KCNMA1: variants seen among roughly 807,000 people sequenced by gnomAD.
KCNMA1 encodes Calcium-activated potassium channel subunit alpha-1.
KCNMA1 carries 29 observed loss-of-function variants against 140.0 expected under a neutral mutation model. The ratio of observed to expected loss-of-function variants is 0.21; its 90% CI spans 0.15 to 0.28. The LOEUF is 0.28. Ranked by LOEUF, KCNMA1 falls within the 10% of genes least tolerant of loss-of-function variation. The pLI, the probability that KCNMA1 is intolerant of heterozygous loss-of-function variation, is 1.00. For synonymous variants in KCNMA1, 612 were observed against 611.9 expected, an observed-to-expected ratio of 1.00 and a Z score of 0.00; for missense variants, 880 against 1,602.2, an observed-to-expected ratio of 0.55 and a Z score of 7.70.
At chr10:77,340,110 A>C (rs924880447) in intron 2 of KCNMA1, among the ~76,000 whole-genome samples, 1 of 152,152 alleles carries the variant, frequency 6.6e-6, no homozygotes, top group African/African-American at 2.4e-5. Flanking sequence ...CACATGAAAA[A>C]ATGCTCATCA....
At chr10:77,468,788 T>C (rs1376512328) in intron 1 of KCNMA1, among the ~76,000 whole-genome samples, 3 of 152,182 alleles carry the variant, frequency 2.0e-5, no homozygotes, top group East Asian at 1.9e-4. Context: ...ATCAAGAAAA[T>C]AGAAATGATA....
At chr10:77,612,215 G>A (rs2087206044) in intron 1 of KCNMA1, among the ~76,000 whole-genome samples, 1 of 152,194 alleles carries the variant, frequency 6.6e-6, no homozygotes, top group African/African-American at 2.4e-5. Flanking sequence ...CATGGCCAAA[G>A]ACCCAGGCAC....
At position 76,945,051 on chromosome 10, in the gene KCNMA1, G is replaced by A. The variant is rs559662210; in HGVS notation, c.2710-86C>T. 3.3e-5 allele frequency: 37 copies of A among 1,109,616 alleles called. No homozygotes were observed. The East Asian group carries it at 4.3e-4, about 13-fold the overall frequency. The allele number at this position is 1,109,616 out of a possible 1,614,324, so 68.7% of individuals were successfully genotyped here. A position where few individuals can be genotyped will look rare whatever the true frequency, so the allele number is the denominator to read the frequency against. On this transcript the variant is annotated intron_variant, in intron 22 of 27. Transcript: ENST00000286628. ...AGAGAGGAGCAAAAGTGAGAGGAGA[G>A]GGAAAGAGGAAAACAAATTAAAGAT...
intron 2 of KCNMA1, among the ~76,000 whole-genome samples, chr10:77,381,976 C>T (rs1250242887): frequency 6.6e-6 from 1 of 152,192 alleles, no homozygotes; most frequent in Non-Finnish European, 1.5e-5. Flanking sequence ...ACCCAACAAA[C>T]TGTTTCTTCT....
At chr10:76,884,851 T>C, downstream of KCNMA1, 1 of 1,294,600 alleles carries the variant, frequency 7.7e-7, no homozygotes, top group East Asian at 2.8e-5. Context: ...ACAATATAAA[T>C]AAAAATAAAC....
intron 1 of KCNMA1, among the ~76,000 whole-genome samples, chr10:77,566,844 G>A (rs1237997163): frequency 6.6e-6 from 1 of 151,280 alleles, no homozygotes; most frequent in East Asian, 1.9e-4. Context: ...GAGACAATAA[G>A]GGAAGTAAAA....
intron 25 of KCNMA1, chr10:76,902,938 T>C (rs1400375591): frequency 6.6e-6 from 1 of 152,186 alleles, no homozygotes; most frequent in Non-Finnish European, 1.5e-5. Context: ...ATTTAGACAA[T>C]TCCCTCTCCG....
intron 23 of KCNMA1, among the ~76,000 whole-genome samples, chr10:76,935,071 A>G (rs1455127650): frequency 1.3e-5 from 2 of 152,232 alleles, no homozygotes; most frequent in Non-Finnish European, 2.9e-5. Flanking sequence ...CAGGCTAAGC[A>G]CAGTGCTTCA....
intron 23 of KCNMA1, among the ~76,000 whole-genome samples, chr10:76,936,845 G>A (rs868170843): frequency 2.0e-5 from 3 of 152,192 alleles, no homozygotes; most frequent in Admixed American, 6.5e-5. Context: ...CCCCAATGCC[G>A]TCCGCTCCCC....
intron 17 of KCNMA1, among the ~76,000 whole-genome samples, chr10:77,017,710 C>T (rs10509379): frequency 0.2 from 30,376 of 152,092 alleles, 4,101 homozygotes; most frequent in Non-Finnish European, 0.3. Flanking sequence ...CTGTGCTCAG[C>T]GTATCAGGCT....
At chr10:76,878,313 C>G (rs1296547178) in intron 29 of KCNMA1, among the ~76,000 whole-genome samples, 1 of 152,132 alleles carries the variant, frequency 6.6e-6, no homozygotes, top group Admixed American at 6.5e-5. Context: ...CGGAAGGGCA[C>G]CATCACCCTT....
chr10:77,052,111 T>G (rs1169485614), intron 14 of KCNMA1, among the ~76,000 whole-genome samples: 1 of 152,202 alleles, frequency 6.6e-6, no homozygotes, highest in African/African-American at 2.4e-5. Flanking sequence ...GTGGGGCCTG[T>G]GATTCATGGC....
intron 1 of KCNMA1, among the ~76,000 whole-genome samples, chr10:77,504,936 G>A (rs2045286551): frequency 6.6e-6 from 1 of 152,160 alleles, no homozygotes; most frequent in African/African-American, 2.4e-5. Context: ...AGCATTCCCT[G>A]TGAGGCTCTG....
intron 23 of KCNMA1, among the ~76,000 whole-genome samples, chr10:76,918,406 T>C (rs1590610419): frequency 6.6e-6 from 1 of 152,202 alleles, no homozygotes; most frequent in African/African-American, 2.4e-5. Context: ...TCTTTAGCCA[T>C]GTACCCATAG....
At chr10:77,018,302 AC>A (rs767204316) in intron 17 of KCNMA1, among the ~76,000 whole-genome samples, 27 of 152,194 alleles carry the variant, frequency 1.8e-4, no homozygotes, top group Non-Finnish European at 2.9e-4. Flanking sequence ...GAGCTGAATG[AC>A]CTGTCTGAAC....
chr10:77,463,610 G>T (rs2097919702), intron 1 of KCNMA1, among the ~76,000 whole-genome samples: 1 of 152,200 alleles, frequency 6.6e-6, no homozygotes, highest in African/African-American at 2.4e-5. Flanking sequence ...ATTGCTCCAA[G>T]AGGGAGTTAA....
intron 2 of KCNMA1, among the ~76,000 whole-genome samples, chr10:77,287,991 T>C (rs913339090): frequency 4.6e-5 from 7 of 152,194 alleles, no homozygotes; most frequent in Admixed American, 1.3e-4. Context: ...GGGGATCAAG[T>C]GGCAATAAAC....
intron 5 of KCNMA1, chr10:77,147,932 T>C (rs1409467610): frequency 6.6e-6 from 1 of 152,200 alleles, no homozygotes; most frequent in African/African-American, 2.4e-5. Context: ...GCCCCCACCA[T>C]CTAAAAGTAG....
intron 1 of KCNMA1, among the ~76,000 whole-genome samples, chr10:77,599,294 C>T (rs1318195018): frequency 6.6e-6 from 1 of 152,212 alleles, no homozygotes; most frequent in Non-Finnish European, 1.5e-5. Flanking sequence ...ATTTAATATG[C>T]ATTTTAATAT....
Sources: gnomAD v4.1 joint callset for allele counts (sites outside exome capture counted in the v4.1 genomes callset) on GRCh38, gnomAD v4.1.1 for gene constraint, MANE v1.5 for transcripts, NCBI Gene and HGNC (gene_info 2026-07-23, HGNC 2026-07-21) for gene names.